The following MAP2K3 variants were observed in gnomAD, a reference collection of about 807,000 sequenced individuals.
The protein encoded by MAP2K3 is dual specificity mitogen-activated protein kinase kinase 3.
Under a neutral mutation model 46.4 loss-of-function variants are expected in MAP2K3, and 30 were observed. The observed-to-expected ratio is 0.65, with a 90% CI of 0.48 to 0.88. The LOEUF is 0.88. Ranked by LOEUF, MAP2K3 falls within the 40% of genes least tolerant of loss-of-function variation. The pLI is 0.00. For synonymous variants in MAP2K3, 189 were observed against 176.3 expected, an observed-to-expected ratio of 1.07 and a Z score of -0.57; for missense variants, 380 against 464.5, an observed-to-expected ratio of 0.82 and a Z score of 1.67.
At chr17:21,305,906 T>C (rs1267466271) in intron 9 of MAP2K3, among the ~76,000 whole-genome samples, 1 of 152,312 alleles carries the variant, frequency 6.6e-6, no homozygotes, top group Non-Finnish European at 1.5e-5. Flanking sequence ...TGGAGTGTCC[T>C]GGGCGTCAGC....
intron 1 of MAP2K3, among the ~76,000 whole-genome samples, chr17:21,290,743 A>G (rs894934939): frequency 1.3e-5 from 2 of 152,310 alleles, no homozygotes; most frequent in East Asian, 3.8e-4. Context: ...TGAGGGCAGG[A>G]GTTCACAACC....
chr17:21,303,347 G>A, intron 7 of MAP2K3, 113 bp downstream of exon 7: 3 of 1,453,642 alleles, frequency 2.1e-6, no homozygotes, highest in Non-Finnish European at 2.8e-6. Flanking sequence ...GATAGGTTGT[G>A]ACGTGCCCGA....
intron 1 of MAP2K3, chr17:21,296,187 G>T (rs2885718): frequency 7.8e-7 from 1 of 1,289,194 alleles, no homozygotes; most frequent in Non-Finnish European, 1.0e-6. Context: ...ATCTTGCTTC[G>T]TCCTGCAGCA....
chr17:21,304,329 G>C, intron 7 of MAP2K3, 97 bp from the exon 8 acceptor site: 1 of 1,594,542 alleles, frequency 6.3e-7, no homozygotes, highest in Non-Finnish European at 8.6e-7. Flanking sequence ...CACAGGAGGG[G>C]TCTTGGGCGA....
intron 1 of MAP2K3, 34 bp downstream of exon 1, chr17:21,285,003 C>A: frequency 3.1e-6 from 5 of 1,597,826 alleles, no homozygotes; most frequent in Non-Finnish European, 3.4e-6. Context: ...CGGCCTGACC[C>A]CGCGCCTAAT....
chr17:21,302,581 C>A (rs73982745), intron 6 of MAP2K3, among the ~76,000 whole-genome samples: 1 of 152,312 alleles, frequency 6.6e-6, no homozygotes, highest in Non-Finnish European at 1.5e-5. Context: ...CAGCGTCATA[C>A]TAAAAATGCC....
intron 1 of MAP2K3, 88 bp downstream of exon 1, chr17:21,285,057 C>T: frequency 6.6e-7 from 1 of 1,508,604 alleles, no homozygotes; most frequent in South Asian, 1.2e-5. Context: ...GGTCCCACCC[C>T]ATCCTGTTCT....
At chr17:21,313,674 C>T (rs764198277) in intron 11 of MAP2K3, 137 bp downstream of exon 11, 49 of 726,394 alleles carry the variant, frequency 6.7e-5, no homozygotes, top group Admixed American at 1.1e-4. Flanking sequence ...TTTAGGTGCT[C>T]GGTCATTTGT....
chr17:21,298,559 G>A (rs1328796214), intron 2 of MAP2K3, 80 bp downstream of exon 2: 1 of 1,610,858 alleles, frequency 6.2e-7, no homozygotes. Flanking sequence ...TGAGAGGCAG[G>A]TGGGGCCAGC....
At chr17:21,296,309 C>A in intron 1 of MAP2K3, 2 of 700,546 alleles carry the variant, frequency 2.9e-6, no homozygotes, top group Non-Finnish European at 4.3e-6. Context: ...TTTACCACGG[C>A]TGCGCCACTC....
intron 9 of MAP2K3, among the ~76,000 whole-genome samples, chr17:21,311,433 C>A (rs1265237730): frequency 6.6e-6 from 1 of 152,088 alleles, no homozygotes; most frequent in Admixed American, 6.5e-5. Context: ...CAGAGACCCA[C>A]CGGCCCGATG....
At chr17:21,286,846 G>A (rs1470232428) in intron 1 of MAP2K3, among the ~76,000 whole-genome samples, 1 of 152,206 alleles carries the variant, frequency 6.6e-6, no homozygotes, top group Non-Finnish European at 1.5e-5. Flanking sequence ...GAGGGTCAGG[G>A]ACCTCCCTCA....
intron 8 of MAP2K3, 82 bp downstream of exon 8, chr17:21,304,635 C>T: frequency 1.9e-6 from 3 of 1,585,688 alleles, no homozygotes; most frequent in Non-Finnish European, 2.6e-6. Flanking sequence ...CCGGCCATAC[C>T]CTCTGTCCGT....
chr17:21,293,519 C>A (rs1420918564), intron 1 of MAP2K3, among the ~76,000 whole-genome samples: 1 of 152,310 alleles, frequency 6.6e-6, no homozygotes, highest in Non-Finnish European at 1.5e-5. Context: ...TGCTCCCGAG[C>A]CATGCTGGTC....
intron 1 of MAP2K3, among the ~76,000 whole-genome samples, chr17:21,292,583 T>A (rs908682417): frequency 6.6e-6 from 1 of 152,430 alleles, no homozygotes; most frequent in Non-Finnish European, 1.5e-5. Context: ...CAGGCTAGTA[T>A]TGAACTCCTG....
At chr17:21,292,189 G>A (rs1390214267) in intron 1 of MAP2K3, among the ~76,000 whole-genome samples, 2 of 152,304 alleles carry the variant, frequency 1.3e-5, no homozygotes, top group Non-Finnish European at 2.9e-5. Flanking sequence ...TGCTCAGTGA[G>A]CCTGGCTGCC....
At chr17:21,289,973 T>C (rs1379093304) in intron 1 of MAP2K3, among the ~76,000 whole-genome samples, 1 of 152,092 alleles carries the variant, frequency 6.6e-6, no homozygotes, top group Admixed American at 6.5e-5. Flanking sequence ...ATGTGGCCCA[T>C]GGCCGGGATT....
intron 1 of MAP2K3, chr17:21,296,239 T>C: frequency 1.6e-6 from 2 of 1,272,162 alleles, no homozygotes; most frequent in Non-Finnish European, 2.1e-6. Flanking sequence ...TCGAGCTGTT[T>C]TGTACATGAG....
chr17:21,295,078 G>A (rs1189006299), intron 1 of MAP2K3, among the ~76,000 whole-genome samples: 1 of 152,428 alleles, frequency 6.6e-6, no homozygotes, highest in South Asian at 2.1e-4. Context: ...ACTGGTGAAA[G>A]GCAAGACGAC....
Sources: gnomAD v4.1 joint callset for allele counts (sites outside exome capture counted in the v4.1 genomes callset) on GRCh38, gnomAD v4.1.1 for gene constraint, MANE v1.5 for transcripts, NCBI Gene and HGNC (gene_info 2026-07-23, HGNC 2026-07-21) for gene names.